AVL9: variants seen among roughly 807,000 people sequenced by gnomAD.
AVL9 encodes late secretory pathway protein AVL9 homolog.
AVL9 carries 49 observed loss-of-function variants against 79.2 expected under a neutral mutation model. The ratio of observed to expected loss-of-function variants is 0.62; its 90% CI spans 0.49 to 0.79. The LOEUF (loss-of-function observed/expected upper bound fraction) is 0.79. Ranked by LOEUF, AVL9 falls within the 30% of genes least tolerant of loss-of-function variation. The probability of loss-of-function intolerance (pLI) is 0.00; values close to 1 mark genes in which losing one functional copy is unlikely to be tolerated. For synonymous variants in AVL9, 299 were observed against 280.6 expected, an observed-to-expected ratio of 1.07 and a Z score of -0.65; for missense variants, 682 against 776.8, an observed-to-expected ratio of 0.88 and a Z score of 1.45.
At chr7:32,550,830 A>G (rs12701226) in intron 4 of AVL9, among the ~76,000 whole-genome samples, 92,920 of 151,972 alleles carry the variant, frequency 0.61, 28,788 homozygotes, top group Admixed American at 0.71. Flanking sequence ...TATAAAAACA[A>G]GCTGTTATAA....
At chr7:32,509,015 A>G (rs1787535176) in intron 1 of AVL9, among the ~76,000 whole-genome samples, 1 of 152,200 alleles carries the variant, frequency 6.6e-6, no homozygotes, top group Non-Finnish European at 1.5e-5. Flanking sequence ...TTGAGATTGT[A>G]TTGAATCTAA....
At chr7:32,523,024 CT>C (rs1788230513) in intron 1 of AVL9, among the ~76,000 whole-genome samples, 1 of 151,692 alleles carries the variant, frequency 6.6e-6, no homozygotes, top group Admixed American at 6.6e-5. Flanking sequence ...CCAATTAAAC[CT>C]TTTTTTCTTC....
At position 32,572,172 on chromosome 7, in the gene AVL9, GAA is replaced by G. The variant is rs72492692; in HGVS notation, c.1351-1016_1351-1015del. 9.9e-5 allele frequency among the ~76,000 whole-genome samples: 14 copies of G among 141,340 alleles called. 1 individual carries two copies. In the South Asian group the frequency reaches 1.1e-3, roughly 11 times the overall value. The allele number at this position is 141,340 out of a possible 152,430, so 92.7% of individuals were successfully genotyped here. Reference sequence around the variant, plus strand: ...GTGAAATTCTGTCTCAAAAAAAAAAGAAAAAAAAAAAATTCAGCCACACTGAG... The same window carrying G: ...GTGAAATTCTGTCTCAAAAAAAAAAGAAAAAAAAAATTCAGCCACACTGAG... On this transcript the variant is annotated intron_variant, in intron 11 of 15. Transcript: ENST00000318709.
At chr7:32,561,719 A>G (rs554274614) in intron 10 of AVL9, among the ~76,000 whole-genome samples, 12 of 145,788 alleles carry the variant, frequency 8.2e-5, no homozygotes, top group African/African-American at 2.1e-4. Context: ...TGCATCGACA[A>G]CTTGGCTAAC....
intron 1 of AVL9, among the ~76,000 whole-genome samples, chr7:32,542,300 G>C (rs1583547407): frequency 6.6e-6 from 1 of 150,918 alleles, no homozygotes; most frequent in East Asian, 2.0e-4. Context: ...AGCACTTTGG[G>C]AGGCCAGGGC....
chr7:32,496,107 G>C (rs1786795011), intron 1 of AVL9, among the ~76,000 whole-genome samples: 2 of 152,204 alleles, frequency 1.3e-5, no homozygotes, highest in Admixed American at 6.5e-5. Context: ...ATCGAAGACC[G>C]GCCCCACTCT....
intron 1 of AVL9, among the ~76,000 whole-genome samples, chr7:32,517,197 G>T (rs1787940652): frequency 6.6e-6 from 1 of 152,100 alleles, no homozygotes; most frequent in Non-Finnish European, 1.5e-5. Context: ...ATTTTGTTAT[G>T]TGTTTTGGCC....
rs543438159 is a variant in AVL9, at chr7:32,573,443, G to C, written c.1570+25G>C. 80 of 1,575,068 alleles carry C rather than the reference G, an allele frequency of 5.1e-5. No homozygotes were observed. The South Asian group carries it at 8.8e-4, about 17-fold the overall frequency. On this transcript the variant is annotated intron_variant, in intron 12 of 15. Coordinates refer to ENST00000318709, the MANE Select transcript of AVL9 (RefSeq NM_015060.3). ...GGTAAGAAACCACACGGAGCCTACAGCTACCTGTTTTATTATAATTTTTCA... is the reference window on the plus strand; with the variant it reads ...GGTAAGAAACCACACGGAGCCTACACCTACCTGTTTTATTATAATTTTTCA...
chr7:32,495,678 G>C lies in AVL9; in HGVS notation c.-32G>C, dbSNP rs764785374. On this transcript the variant is annotated 5_prime_UTR_variant, in exon 1 of 16. Coordinates refer to ENST00000318709, the MANE Select transcript of AVL9 (RefSeq NM_015060.3). ...GTCAGACCCGCTGCCCTTGGCGGTC[G>C]AAGTCGTCGTGCGGGCCCGCGGCGG... The C allele has an allele frequency of 1.6e-6, 2 of 1,247,766 alleles. No individual in the cohort carries two copies. Among genetic ancestry groups the C allele is most frequent in the East Asian group, 3.1e-5 (1 of 31,756 alleles). 77.3% of individuals were successfully genotyped at this position (1,247,766 alleles called of 1,614,324 possible).
intron 1 of AVL9, among the ~76,000 whole-genome samples, chr7:32,497,887 G>A (rs1442126300): frequency 6.6e-6 from 1 of 152,068 alleles, no homozygotes; most frequent in African/African-American, 2.4e-5. Flanking sequence ...TCCTTACCTC[G>A]TGATCCGCCC....
At chr7:32,516,977 CTCTT>C (rs1240417437) in intron 1 of AVL9, among the ~76,000 whole-genome samples, 1 of 152,168 alleles carries the variant, frequency 6.6e-6, no homozygotes, top group Non-Finnish European at 1.5e-5. Context: ...AGTTATCTAT[CTCTT>C]TCTTTTCTGC....
Position 32,557,860 on chromosome 7 carries a change from T to TG in AVL9, c.610-699_610-698insG, listed in dbSNP as rs1344060473. On this transcript the variant is annotated intron_variant, in intron 8 of 15. Coordinates refer to ENST00000318709, the MANE Select transcript of AVL9 (RefSeq NM_015060.3). ...TGTTTATTAGCTGTTACTCTTTTTT[T>TG]TTTTTTTTTTTTTGAGACAGAGTCT... Among the ~76,000 whole-genome samples the TG allele has an allele frequency of 1.3e-3, 97 of 76,702 alleles. 2 individuals carry two copies. The highest frequency in any genetic ancestry group is 4.2e-3 in the African/African-American group (94 of 22,638). The allele number at this position is 76,702 out of a possible 152,430, so 50.3% of individuals were successfully genotyped here.
chr7:32,531,299 C>T (rs962280140), intron 1 of AVL9, among the ~76,000 whole-genome samples: 1 of 151,052 alleles, frequency 6.6e-6, no homozygotes, highest in Non-Finnish European at 1.5e-5. Flanking sequence ...TTTAAAGGGG[C>T]TTGCATTCCT....
At chr7:32,506,098 A>G (rs1300815284) in intron 1 of AVL9, among the ~76,000 whole-genome samples, 2 of 152,164 alleles carry the variant, frequency 1.3e-5, no homozygotes, top group Non-Finnish European at 2.9e-5. Context: ...TTTCCTGTAC[A>G]TACATATGAT....
At chr7:32,580,089 C>A in intron 13 of AVL9, 130 bp from the exon 14 acceptor site, 1 of 679,624 alleles carries the variant, frequency 1.5e-6, no homozygotes, top group Non-Finnish European at 2.5e-6. Flanking sequence ...CCAAGTTTCC[C>A]GATACCAAAC....
intron 15 of AVL9, 119 bp from the exon 16 acceptor site, chr7:32,583,673 T>G (rs961105608): frequency 6.3e-6 from 4 of 636,610 alleles, no homozygotes; most frequent in Non-Finnish European, 1.1e-5. Flanking sequence ...AGTAAGACGC[T>G]GTCTCAAAAA....
chr7:32,500,548 A>T (rs1356214791), intron 1 of AVL9, among the ~76,000 whole-genome samples: 1 of 151,890 alleles, frequency 6.6e-6, no homozygotes, highest in South Asian at 2.1e-4. Flanking sequence ...GTTCACTCTA[A>T]TGCTAGTTTC....
chr7:32,554,483 G>T, intron 7 of AVL9, 75 bp from the exon 8 acceptor site: 4 of 919,064 alleles, frequency 4.4e-6, no homozygotes, highest in South Asian at 1.7e-5. Context: ...TTATGGTTAT[G>T]TTTTAGGAGG....
At chr7:32,581,072 C>T in intron 15 of AVL9, 182 bp downstream of exon 15, 1 of 504,810 alleles carries the variant, frequency 2.0e-6, no homozygotes, top group Admixed American at 4.7e-5. Context: ...AATGGTCAAA[C>T]TCCATTATCT....
Sources: gnomAD v4.1 joint callset for allele counts (sites outside exome capture counted in the v4.1 genomes callset) on GRCh38, gnomAD v4.1.1 for gene constraint, MANE v1.5 for transcripts, NCBI Gene and HGNC (gene_info 2026-07-23, HGNC 2026-07-21) for gene names.